Variants in RGS7 observed in about 807,000 individuals in gnomAD.
The protein encoded by RGS7 is regulator of G-protein signaling 7.
A neutral mutation model predicts 81.1 loss-of-function variants in RGS7; 27 were observed. The observed-to-expected ratio is 0.33, with a 90% CI of 0.25 to 0.46. RGS7 has a LOEUF of 0.46. Ranked by LOEUF, RGS7 falls within the 20% of genes least tolerant of loss-of-function variation. The pLI is 1.00. For synonymous variants in RGS7, 208 were observed against 207.7 expected (o/e 1.00, Z -0.01); for missense variants, 396 against 607.4 (o/e 0.65, Z 3.66).
intron 10 of RGS7, among the ~76,000 whole-genome samples, chr1:240,826,791 C>A (rs1337549575): frequency 6.7e-6 from 1 of 148,322 alleles, no homozygotes; most frequent in Non-Finnish European, 1.5e-5. Context: ...AATTAAATAT[C>A]TTTTAGATGT....
intron 2 of RGS7, among the ~76,000 whole-genome samples, chr1:241,298,339 C>G (rs1228753745): frequency 6.6e-6 from 1 of 152,108 alleles, no homozygotes; most frequent in African/African-American, 2.4e-5. Flanking sequence ...TATTCCAAGC[C>G]AAAGTAGTAA....
intron 2 of RGS7, among the ~76,000 whole-genome samples, chr1:241,178,369 G>T (rs1254593668): frequency 6.6e-6 from 1 of 152,116 alleles, no homozygotes; most frequent in African/African-American, 2.4e-5. Context: ...GAGGGTTAGA[G>T]ACATAAATTT....
At chr1:240,920,017 A>G in intron 6 of RGS7, 1 of 1,253,988 alleles carries the variant, frequency 8.0e-7, no homozygotes, top group Non-Finnish European at 1.2e-6. Flanking sequence ...CACCTAAGAG[A>G]TTATTTTGAA....
Position 241,293,847 on chromosome 1 carries a change from T to A in RGS7, c.78+61852A>T, listed in dbSNP as rs1199989089. 3.9e-5 allele frequency among the ~76,000 whole-genome samples: 6 copies of A among 151,962 alleles called. No homozygotes were observed. In the East Asian group the frequency reaches 1.2e-3, roughly 29 times the overall value. ...AACACGTTTACAGTGTTGGTGGGAG[T>A]GTAAATTAGTTCAACCATTGTGGAA... On this transcript the variant is annotated intron_variant, in intron 2 of 18. Transcript: ENST00000440928.
chr1:241,068,451 T>C (rs755779226), intron 3 of RGS7, among the ~76,000 whole-genome samples: 1 of 151,640 alleles, frequency 6.6e-6, no homozygotes, highest in Non-Finnish European at 1.5e-5. Flanking sequence ...AGTCAGGTAC[T>C]ACAGTAATAC....
At chr1:241,140,297 G>T (rs1207660899) in intron 2 of RGS7, among the ~76,000 whole-genome samples, 1 of 152,148 alleles carries the variant, frequency 6.6e-6, no homozygotes, top group Admixed American at 6.6e-5. Flanking sequence ...CTCCTACCAG[G>T]AGCTCCCTCC....
intron 2 of RGS7, among the ~76,000 whole-genome samples, chr1:241,136,691 C>A (rs1423606355): frequency 1.3e-5 from 2 of 152,136 alleles, no homozygotes; most frequent in African/African-American, 4.8e-5. Context: ...GTGTTTTGTT[C>A]CTACCTTGAT....
At chr1:240,944,282 GTATATATATATATATATATA>G (rs760788169) in intron 4 of RGS7, among the ~76,000 whole-genome samples, 2,741 of 55,866 alleles carry the variant, frequency 0.049, 159 homozygotes, top group Non-Finnish European at 0.056. Flanking sequence ...GTGTGTGTGT[GTATATATATATATATATATA>G]TATATATATA....
intron 6 of RGS7, among the ~76,000 whole-genome samples, chr1:240,886,847 A>G (rs1415733336): frequency 6.6e-6 from 1 of 152,216 alleles, no homozygotes; most frequent in African/African-American, 2.4e-5. Flanking sequence ...GATCACTAAT[A>G]TGGAAAGACA....
chr1:241,354,961 C>T (rs2083463944), intron 2 of RGS7, among the ~76,000 whole-genome samples: 1 of 152,118 alleles, frequency 6.6e-6, no homozygotes, highest in African/African-American at 2.4e-5. Context: ...CACTCAAAAG[C>T]ACATGTAATA....
Position 241,223,875 on chromosome 1 carries a change from T to C in RGS7, c.79-125113A>G, listed in dbSNP as rs532026646. Among the ~76,000 whole-genome samples the C allele has an allele frequency of 1.5e-4, 23 of 152,006 alleles. No individual in the cohort carries two copies. The Middle Eastern group carries it at 0.01, about 67-fold the overall frequency. On this transcript the variant is annotated intron_variant, in intron 2 of 18. Transcript: ENST00000440928. ...TTGTTGCTATTATCATGTAGGTGAG[T>C]GTTCCATTCATTGAAATGTGCAGGT...
At chr1:241,176,331 C>T (rs951978849) in intron 2 of RGS7, among the ~76,000 whole-genome samples, 7 of 152,096 alleles carry the variant, frequency 4.6e-5, no homozygotes, top group African/African-American at 1.2e-4. Context: ...TTGGAAAGAC[C>T]GAAGCTATCC....
At chr1:241,297,539 G>T (rs1488557031) in intron 2 of RGS7, among the ~76,000 whole-genome samples, 1 of 152,184 alleles carries the variant, frequency 6.6e-6, no homozygotes, top group African/African-American at 2.4e-5. Context: ...CAGAAAGTTA[G>T]AAATTTATTA....
At chr1:241,192,879 C>G (rs1040614314) in intron 2 of RGS7, among the ~76,000 whole-genome samples, 7 of 152,118 alleles carry the variant, frequency 4.6e-5, no homozygotes, top group Non-Finnish European at 1.0e-4. Flanking sequence ...TTTTAAAAAT[C>G]ACACATATTA....
chr1:241,356,314 T>C (rs2083564765), intron 1 of RGS7, among the ~76,000 whole-genome samples: 1 of 152,028 alleles, frequency 6.6e-6, no homozygotes, highest in African/African-American at 2.4e-5. Flanking sequence ...CCATTCCCGG[T>C]GTCATTCTCC....
chr1:241,075,898 C>T (rs772732089), intron 3 of RGS7, among the ~76,000 whole-genome samples: 4 of 152,212 alleles, frequency 2.6e-5, no homozygotes, highest in Admixed American at 1.3e-4. Flanking sequence ...ATCAAGTTTA[C>T]ACCAAGCTTT....
At chr1:241,202,735 G>T (rs1035556535) in intron 2 of RGS7, among the ~76,000 whole-genome samples, 11 of 152,122 alleles carry the variant, frequency 7.2e-5, no homozygotes, top group African/African-American at 2.4e-4. Context: ...AGTTCTTTAC[G>T]GCTAGTTTTT....
intron 3 of RGS7, among the ~76,000 whole-genome samples, chr1:241,051,077 T>G (rs1332594293): frequency 6.6e-6 from 1 of 152,066 alleles, no homozygotes; most frequent in East Asian, 1.9e-4. Context: ...CTACAAATGT[T>G]AGGGGTGGGT....
At chr1:241,043,393 C>G (rs919494765) in intron 3 of RGS7, among the ~76,000 whole-genome samples, 1 of 151,038 alleles carries the variant, frequency 6.6e-6, no homozygotes, top group Non-Finnish European at 1.5e-5. Flanking sequence ...ATATTGTTGA[C>G]CCTATATTGT....
Sources: allele counts gnomAD v4.1 joint callset (sites outside exome capture counted in the v4.1 genomes callset), GRCh38; gene constraint gnomAD v4.1.1; transcripts MANE v1.5; gene names NCBI Gene and HGNC (gene_info 2026-07-23, HGNC 2026-07-21).